MCF2: variants seen among roughly 807,000 people sequenced by gnomAD.
MCF2 encodes MCF.2 cell line derived transforming sequence.
A neutral mutation model predicts 82.5 loss-of-function variants in MCF2; 44 were observed. The observed-to-expected ratio is 0.53, with a 90% CI of 0.42 to 0.69. The LOEUF is 0.69. Among genes scored for constraint, MCF2 ranks in the 30% least tolerant of loss-of-function variants. The pLI is 0.00. For missense variants in MCF2, 623 were observed against 663.1 expected (o/e 0.94, Z 0.66); for synonymous variants, 217 against 224.9 (o/e 0.96, Z 0.32).
intron 1 of MCF2, among the ~76,000 whole-genome samples, chrX:139,690,765 T>A (rs988894908): frequency 4.5e-5 from 5 of 111,829 alleles, no homozygotes; most frequent in African/African-American, 3.3e-5. Flanking sequence ...ATTTTTTGAA[T>A]ACCAAAACTT....
intron 19 of MCF2, among the ~76,000 whole-genome samples, chrX:139,594,797 G>A (rs1408494474): frequency 1.4e-4 from 15 of 110,106 alleles, no homozygotes; most frequent in Non-Finnish European, 2.5e-4. Context: ...GCAACCTACA[G>A]AATGGGAGAA....
chrX:139,610,218 G>A (rs1333706901), intron 11 of MCF2, 83 bp downstream of exon 15: 5 of 606,199 alleles, frequency 8.2e-6, no homozygotes, highest in Admixed American at 3.5e-5. Context: ...TTTGTCTAGT[G>A]AATGAAACAT....
chrX:139,605,767 A>G (rs770682928), exon 13 of MCF2: 1 of 1,191,065 alleles, frequency 8.4e-7, no homozygotes, highest in South Asian at 1.9e-5. Context: ...GTATCAGTTC[A>G]TTTAGTACGT....
At chrX:139,587,694 T>C (rs370147944) in intron 22 of MCF2, 22 bp downstream of exon 26, 2 of 1,062,414 alleles carry the variant, frequency 1.9e-6, no homozygotes, top group Non-Finnish European at 2.6e-6. Context: ...GGAGTGGTAT[T>C]TCTTAAAGAA....
At chrX:139,605,547 C>T (rs182718079) in intron 13 of MCF2, among the ~76,000 whole-genome samples, 166 bp downstream of exon 17, 9 of 111,003 alleles carry the variant, frequency 8.1e-5, no homozygotes, top group Admixed American at 6.8e-4. Flanking sequence ...TGAATGTGCA[C>T]GTTTAACCGA....
chrX:139,699,595 A>G (rs1166674298), intron 1 of MCF2, among the ~76,000 whole-genome samples: 2 of 112,102 alleles, frequency 1.8e-5, no homozygotes, highest in Non-Finnish European at 3.8e-5. Context: ...TGTAGATGGA[A>G]TCCTGTAATA....
intron 1 of MCF2, among the ~76,000 whole-genome samples, chrX:139,655,886 C>A (rs1934181042): frequency 8.9e-6 from 1 of 111,874 alleles, no homozygotes; most frequent in African/African-American, 3.3e-5. Context: ...CTGGCCAGGA[C>A]TTCCAGTGTT....
chrX:139,658,338 G>C (rs1471048438), intron 1 of MCF2, among the ~76,000 whole-genome samples: 1 of 90,308 alleles, frequency 1.1e-5, no homozygotes, highest in African/African-American at 5.5e-5. Context: ...TAAGCAATGT[G>C]GGTTTTTTTT....
chrX:139,616,391 T>C (rs779360080), exon 9 of MCF2: 1 of 1,184,741 alleles, frequency 8.4e-7, no homozygotes, highest in Non-Finnish European at 1.1e-6. Context: ...TTGGAGAGCT[T>C]TCTGAGCATC....
Position 139,599,685 on chromosome X carries a change from A to C in MCF2, c.1837-1187T>G, listed in dbSNP as rs547327786. ...CAAGTGTTGGTGAGGATATGGAGCA[A>C]TTAATACCCTCATACACTGCTGTTG... On this transcript the variant is annotated intron_variant, in intron 16 of 24. Coordinates refer to ENST00000370576, the Ensembl canonical transcript of MCF2. 2.7e-5 allele frequency among the ~76,000 whole-genome samples: 3 copies of C among 111,780 alleles called. No homozygotes were observed. In the South Asian group the frequency reaches 1.1e-3, roughly 42 times the overall value.
chrX:139,588,758 ACT>A (rs1491203948), intron 20 of MCF2, among the ~76,000 whole-genome samples: 2 of 107,307 alleles, frequency 1.9e-5, no homozygotes, highest in Non-Finnish European at 1.9e-5. Flanking sequence ...TACTACTACT[ACT>A]ACTAATAATA....
chrX:139,593,252 T>C (rs1929681914), intron 19 of MCF2, among the ~76,000 whole-genome samples: 1 of 111,660 alleles, frequency 9.0e-6, no homozygotes, highest in South Asian at 3.8e-4. Flanking sequence ...TATCATTTTT[T>C]ATTGCGTCTA....
Position 139,583,899 on chromosome X carries a change from A to G in MCF2, c.2745+1167T>C, listed in dbSNP as rs1239231534. 6.3e-5 allele frequency among the ~76,000 whole-genome samples: 7 copies of G among 111,426 alleles called. No individual in the cohort carries two copies. In the East Asian group the frequency reaches 2.0e-3, roughly 31 times the overall value. ...ACAATTAACTCTGGACAAATATCTT[A>G]CCAGATCTAAGTCTCAGTTTCCTCC... is the stretch of plus-strand genomic sequence containing the variant. On this transcript the variant is annotated intron_variant, in intron 24 of 24. Coordinates refer to ENST00000370576, the Ensembl canonical transcript of MCF2.
intron 16 of MCF2, among the ~76,000 whole-genome samples, chrX:139,599,062 T>C (rs758002405): frequency 9.1e-6 from 1 of 109,960 alleles, no homozygotes; most frequent in South Asian, 4.1e-4. Context: ...TAGGGCAAGA[T>C]GCAGATATTT....
intron 24 of MCF2, among the ~76,000 whole-genome samples, chrX:139,584,720 A>C (rs1389111317): frequency 9.0e-6 from 1 of 111,541 alleles, no homozygotes; most frequent in Non-Finnish European, 1.9e-5. Context: ...CTGGTTTTTA[A>C]AGTGTATTTG....
chrX:139,685,831 T>C (rs1962763745), intron 1 of MCF2, among the ~76,000 whole-genome samples: 1 of 111,179 alleles, frequency 9.0e-6, no homozygotes, highest in African/African-American at 3.3e-5. Context: ...GGCAATATTA[T>C]TGATAAACAG....
chrX:139,676,679 G>A (rs1448517571), intron 1 of MCF2, among the ~76,000 whole-genome samples: 3 of 111,844 alleles, frequency 2.7e-5, no homozygotes, highest in Non-Finnish European at 3.8e-5. Flanking sequence ...CAGGGTTATT[G>A]TAATGAATAA....
intron 15 of MCF2, among the ~76,000 whole-genome samples, chrX:139,603,748 T>A (rs59662490): frequency 0.053 from 5,834 of 110,769 alleles, 381 homozygotes; most frequent in African/African-American, 0.18. Flanking sequence ...GGCAGGAGAA[T>A]GGTGTGAACC....
chrX:139,666,847 A>G (rs187367971), intron 1 of MCF2, among the ~76,000 whole-genome samples: 1 of 111,660 alleles, frequency 9.0e-6, no homozygotes, highest in Non-Finnish European at 1.9e-5. Context: ...CTGATAATTC[A>G]TATGTTCAGT....
Sources: allele counts gnomAD v4.1 joint callset (sites outside exome capture counted in the v4.1 genomes callset), GRCh38; gene constraint gnomAD v4.1.1; transcripts MANE v1.5; gene names NCBI Gene and HGNC (gene_info 2026-07-23, HGNC 2026-07-21).